Variants in RABGAP1 observed in about 807,000 individuals in gnomAD.
RABGAP1 encodes rab GTPase-activating protein 1.
Under a neutral mutation model 137.6 loss-of-function variants are expected in RABGAP1, and 23 were observed. The ratio of observed to expected loss-of-function variants is 0.17; its 90% CI spans 0.12 to 0.24. The LOEUF (loss-of-function observed/expected upper bound fraction) is 0.24, where lower values mean the gene tolerates loss of function less well. Among genes scored for constraint, RABGAP1 ranks in the 10% least tolerant of loss-of-function variants. RABGAP1 has a pLI of 1.00. For synonymous variants in RABGAP1, 451 were observed against 450.7 expected, an observed-to-expected ratio of 1.00 and a Z score of -0.01; for missense variants, 906 against 1,275.8, an observed-to-expected ratio of 0.71 and a Z score of 4.42.
At chr9:122,939,592 G>A (rs1031633313), upstream of RABGAP1, 1 of 152,186 alleles carries the variant, frequency 6.6e-6, no homozygotes, top group South Asian at 2.1e-4. Flanking sequence ...ATTTAAAAAT[G>A]TATGTTAAGA....
intron 19 of RABGAP1, among the ~76,000 whole-genome samples, chr9:123,079,880 G>A (rs1261479940): frequency 2.0e-5 from 3 of 152,104 alleles, no homozygotes; most frequent in Non-Finnish European, 4.4e-5. Context: ...TTTCCCTACT[G>A]GAATGGAGGC....
At chr9:123,069,687 C>T (rs555908162) in intron 14 of RABGAP1, among the ~76,000 whole-genome samples, 3 of 152,102 alleles carry the variant, frequency 2.0e-5, no homozygotes, top group African/African-American at 7.2e-5. Flanking sequence ...TAGAGACCAG[C>T]CTGGGCAACG....
chr9:123,030,405 A>G (rs1426677769), intron 13 of RABGAP1, among the ~76,000 whole-genome samples: 8 of 152,218 alleles, frequency 5.3e-5, no homozygotes, highest in Non-Finnish European at 1.0e-4. Flanking sequence ...AGATTTTTTA[A>G]TGAATGTTAT....
chr9:123,059,884 C>G (rs1466047772), intron 13 of RABGAP1, among the ~76,000 whole-genome samples: 1 of 152,104 alleles, frequency 6.6e-6, no homozygotes, highest in Non-Finnish European at 1.5e-5. Context: ...TTAGAGTAGC[C>G]CAAAGCGACT....
chr9:122,976,961 G>A (rs976553904), intron 2 of RABGAP1, among the ~76,000 whole-genome samples: 2 of 152,180 alleles, frequency 1.3e-5, no homozygotes, highest in East Asian at 3.9e-4. Flanking sequence ...AAGTATGGGT[G>A]CTTGAAAGTT....
At chr9:122,991,811 G>A (rs1190015634) in intron 6 of RABGAP1, among the ~76,000 whole-genome samples, 1 of 151,584 alleles carries the variant, frequency 6.6e-6, no homozygotes, top group African/African-American at 2.4e-5. Flanking sequence ...TTGCCACATT[G>A]CCCAGGTTGG....
intron 2 of RABGAP1, among the ~76,000 whole-genome samples, chr9:122,977,827 G>A (rs1340743706): frequency 6.6e-6 from 1 of 152,162 alleles, no homozygotes; most frequent in Non-Finnish European, 1.5e-5. Context: ...TGTAGATAGA[G>A]ATTTGAGATT....
At chr9:123,096,780 C>G (rs113128685) in intron 21 of RABGAP1, among the ~76,000 whole-genome samples, 3 of 152,172 alleles carry the variant, frequency 2.0e-5, no homozygotes, top group African/African-American at 7.2e-5. Flanking sequence ...CTATGTTGGC[C>G]AGGCTGTTCT....
At chr9:123,098,909 G>T in intron 23 of RABGAP1, 111 bp downstream of exon 23, 2 of 658,798 alleles carry the variant, frequency 3.0e-6, no homozygotes, top group Non-Finnish European at 5.3e-6. Context: ...CCTGGTTTCA[G>T]ATCCTGGCTC....
In RABGAP1 at chr9:123,070,296, G is replaced by T. The variant is rs2034312832; in HGVS notation, c.1909-54G>T. On this transcript the variant is annotated intron_variant, in intron 14 of 25. Transcript: ENST00000373647. This position sits in a 1 kb window ranked among gnomAD's most constrained non-coding sequence, Gnocchi z 4.4. ...ATTCAAGGTCCTATAGTGCCACCAT[G>T]GCCCACAAGTGGCTACATTCATTTA... 1 of 1,610,610 alleles carries T rather than the reference G, an allele frequency of 6.2e-7. No homozygotes were observed. Among genetic ancestry groups the T allele is most frequent in the Non-Finnish European group, 8.5e-7 (1 of 1,178,498 alleles).
intron 22 of RABGAP1, among the ~76,000 whole-genome samples, chr9:123,098,192 C>T (rs1732035387): frequency 6.6e-6 from 1 of 152,210 alleles, no homozygotes; most frequent in South Asian, 2.1e-4. Context: ...ATAGAGCAAG[C>T]TTGGGAAGTC....
chr9:122,942,268 C>A (rs1833623978), intron 1 of RABGAP1, among the ~76,000 whole-genome samples: 1 of 152,146 alleles, frequency 6.6e-6, no homozygotes, highest in African/African-American at 2.4e-5. Context: ...AGCTTAGGTA[C>A]TAAGGAGGGT....
chr9:122,996,951 C>T (rs1253639800), intron 8 of RABGAP1: 1 of 531,998 alleles, frequency 1.9e-6, no homozygotes, highest in East Asian at 4.3e-5. Flanking sequence ...TTCCCATTAT[C>T]TGAAAATCTT....
intron 13 of RABGAP1, among the ~76,000 whole-genome samples, chr9:123,064,501 G>A (rs979863751): frequency 6.6e-6 from 1 of 152,146 alleles, no homozygotes; most frequent in Non-Finnish European, 1.5e-5. Context: ...TTAAAACAGA[G>A]GTATCATGTT....
chr9:122,938,945 ATTTT>A (rs959989880), upstream of RABGAP1: 1 of 151,672 alleles, frequency 6.6e-6, no homozygotes, highest in African/African-American at 2.4e-5. Context: ...GAATCTTTTA[ATTTT>A]TTTTTAAGTG....
intron 24 of RABGAP1, among the ~76,000 whole-genome samples, chr9:123,101,207 TATATTTA>T (rs775295327): frequency 4.6e-5 from 7 of 152,230 alleles, no homozygotes; most frequent in Non-Finnish European, 8.8e-5. Flanking sequence ...TATAGCACAG[TATATTTA>T]ATATTTAATT....
chr9:123,023,283 C>T (rs940298733), intron 13 of RABGAP1, among the ~76,000 whole-genome samples: 10 of 152,224 alleles, frequency 6.6e-5, no homozygotes, highest in East Asian at 1.9e-4. Flanking sequence ...TGGATTAAAG[C>T]GATTCTCCTG....
chr9:123,079,221 GTTTT>G (rs71388351), intron 19 of RABGAP1, among the ~76,000 whole-genome samples: 1 of 139,910 alleles, frequency 7.1e-6, no homozygotes, highest in East Asian at 2.0e-4. Flanking sequence ...TTGTTTTTTT[GTTTT>G]TTTGTTTTGT....
chr9:123,026,238 C>G (rs1225565956), intron 13 of RABGAP1, among the ~76,000 whole-genome samples: 1 of 152,068 alleles, frequency 6.6e-6, no homozygotes, highest in Non-Finnish European at 1.5e-5. Context: ...GCAGGAGAAT[C>G]GCTTGAACCC....
Sources: gnomAD v4.1 joint callset for allele counts (sites outside exome capture counted in the v4.1 genomes callset) on GRCh38, gnomAD v4.1.1 for gene constraint, Gnocchi (gnomAD v3.1) non-coding constraint, MANE v1.5 for transcripts, NCBI Gene and HGNC (gene_info 2026-07-23, HGNC 2026-07-21) for gene names.